The following COL5A1 variants were observed in gnomAD, a reference collection of about 807,000 sequenced individuals.
The protein encoded by COL5A1 is collagen alpha-1(V) chain.
COL5A1 carries 16 observed loss-of-function variants against 263.7 expected under a neutral mutation model. The ratio of observed to expected loss-of-function variants is 0.06; its 90% CI spans 0.04 to 0.09. The LOEUF is 0.09. COL5A1 is among the 10% of genes least tolerant of loss of function. COL5A1 has a pLI of 1.00. For synonymous variants in COL5A1, 1,012 were observed against 1,004.5 expected (o/e 1.01, Z -0.14); for missense variants, 2,036 against 2,540.5 (o/e 0.80, Z 4.27).
At chr9:134,770,997 G>A (rs1049819143) in intron 25 of COL5A1, among the ~76,000 whole-genome samples, 2 of 152,238 alleles carry the variant, frequency 1.3e-5, no homozygotes, top group South Asian at 4.1e-4. Flanking sequence ...AATGGAGGCC[G>A]CCGTGATGCC....
rs4599886 is a variant in COL5A1, at chr9:134,744,788, T to C, written c.1495-5754T>C. ...ATGCTCACTCATACATGCACACACATACACCCACACATGTACACACATTCG... is the reference window on the plus strand; with the variant it reads ...ATGCTCACTCATACATGCACACACACACACCCACACATGTACACACATTCG... On this transcript the variant is annotated intron_variant, in intron 11 of 65. Coordinates refer to ENST00000371817, the MANE Select transcript of COL5A1 (RefSeq NM_000093.5). 8.2e-3 allele frequency among the ~76,000 whole-genome samples: 1,169 copies of C among 142,640 alleles called. 17 individuals are homozygous for C. Among genetic ancestry groups the C allele is most frequent in the African/African-American group, 0.03 (1,126 of 37,916 alleles). 93.6% of individuals were successfully genotyped at this position (142,640 alleles called of 152,430 possible).
chr9:134,773,580 C>A lies in COL5A1; in HGVS notation c.2331+746C>A, dbSNP rs1255464419. The stretch of plus-strand genomic sequence containing the variant: ...ACCTGCTCCAGGGTTCCAGAGGCCC[C>A]AGTTGTCACAGGCTCTGGAATCGGG... On this transcript the variant is annotated intron_variant, in intron 26 of 65. Transcript: ENST00000371817. Among the ~76,000 whole-genome samples the A allele has an allele frequency of 2.0e-5, 3 of 152,232 alleles. No homozygotes were observed. The East Asian group carries it at 5.8e-4, about 29-fold the overall frequency.
At chr9:134,666,114 A>G (rs1832347319) in intron 1 of COL5A1, among the ~76,000 whole-genome samples, 1 of 152,232 alleles carries the variant, frequency 6.6e-6, no homozygotes, top group African/African-American at 2.4e-5. Context: ...AAATAAAAAA[A>G]GGACAAAGAC....
At chr9:134,752,422 G>GGC (rs1554792434) in intron 13 of COL5A1, among the ~76,000 whole-genome samples, 167 bp from the exon 14 acceptor site, 1 of 104,156 alleles carries the variant, frequency 9.6e-6, no homozygotes, top group African/African-American at 3.7e-5. Context: ...TCGAAGTCGG[G>GGC]GGGGGGGGGC....
intron 34 of COL5A1, 120 bp downstream of exon 34, chr9:134,795,435 C>A: frequency 1.2e-6 from 1 of 838,688 alleles, no homozygotes; most frequent in Non-Finnish European, 1.8e-6. Flanking sequence ...AAAGGCAGGA[C>A]ATTTTCTTAG....
intron 59 of COL5A1, 112 bp downstream of exon 59, chr9:134,822,262 G>C: frequency 2.2e-6 from 2 of 910,212 alleles, no homozygotes; most frequent in Non-Finnish European, 3.5e-6. Flanking sequence ...ACGAGAAGCT[G>C]GAATTGGGGC....
At chr9:134,763,837 A>G (rs1463595673) in intron 20 of COL5A1, 100 bp downstream of exon 20, 2 of 1,197,158 alleles carry the variant, frequency 1.7e-6, no homozygotes, top group Non-Finnish European at 1.2e-6. Flanking sequence ...CCAGGAGCTT[A>G]GAAGAGAGAG....
chr9:134,699,951 A>G lies in COL5A1; in HGVS notation c.320A>G (p.Lys107Arg), dbSNP rs1169815073. ...GACTTCTCCATCCTAACAACTGTGAAAGCCAAGAAAGGCAGCCAGGCCTTC... is the reference window on the plus strand; with the variant it reads ...GACTTCTCCATCCTAACAACTGTGAGAGCCAAGAAAGGCAGCCAGGCCTTC... Reference protein sequence around the residue: ...PEDFSILTTVKAKKGSQAFLV... With the variant: ...PEDFSILTTVRAKKGSQAFLV... Residue 107 changes from lysine to arginine, a missense_variant, in exon 3 of 66, where the codon AAA becomes AGA. Transcript: ENST00000371817. The G allele has an allele frequency of 6.2e-7, 1 of 1,613,844 alleles. No homozygotes were observed. Among genetic ancestry groups the G allele is most frequent in the Non-Finnish European group, 8.5e-7 (1 of 1,180,034 alleles).
intron 65 of COL5A1, among the ~76,000 whole-genome samples, chr9:134,840,151 C>T (rs1463464457): frequency 6.6e-6 from 1 of 152,244 alleles, no homozygotes; most frequent in Non-Finnish European, 1.5e-5. Context: ...CAGACGGAGT[C>T]AGCCTCTCTG....
intron 1 of COL5A1, among the ~76,000 whole-genome samples, chr9:134,687,455 CCAT>C (rs1243187602): frequency 3.3e-5 from 5 of 149,646 alleles, no homozygotes; most frequent in Admixed American, 1.3e-4. Context: ...ATCCATCCAT[CCAT>C]CATCCATCCA....
intron 4 of COL5A1, among the ~76,000 whole-genome samples, chr9:134,704,885 G>T (rs55708051): frequency 6.6e-6 from 1 of 151,954 alleles, no homozygotes; most frequent in South Asian, 2.1e-4. Flanking sequence ...AAGTGGAAGA[G>T]AATTTCTATT....
rs1350195415 is a variant in COL5A1, at chr9:134,818,728, G to A, written c.4303G>A (p.Gly1435Arg). 6.2e-7 allele frequency: 1 copy of A among 1,611,560 alleles called. No individual in the cohort carries two copies. The change falls in exon 55 of 66, where the codon GGA (glycine) becomes AGA (arginine). Residue 1435 changes from glycine to arginine, a missense_variant. By Grantham distance (125) the Gly-to-Arg change is moderately radical. This residue lies in a region of COL5A1 where 1,078 missense variants were observed against 1,521.4 expected (regional missense o/e 0.71). Coordinates refer to ENST00000371817, the MANE Select transcript of COL5A1 (RefSeq NM_000093.5). The surrounding 1 kb of genome is among the most constrained non-coding windows in gnomAD (Gnocchi z 6.0). ...IGPQGAPGKP[G>R]PDGLRGIPGP... ...CCCCCAGGGGGCCCCTGGGAAGCCCGGACCGGATGGCCTTCGAGGGATCCC... is the reference window on the plus strand; with the variant it reads ...CCCCCAGGGGGCCCCTGGGAAGCCCAGACCGGATGGCCTTCGAGGGATCCC...
intron 35 of COL5A1, 26 bp from the exon 36 acceptor site, chr9:134,796,822 T>C: frequency 6.2e-7 from 1 of 1,612,816 alleles, no homozygotes; most frequent in Non-Finnish European, 8.5e-7. Context: ...CCTCTTGTCC[T>C]CAAACTGGCC....
chr9:134,697,883 A>G (rs1833537267), intron 2 of COL5A1, among the ~76,000 whole-genome samples: 1 of 152,174 alleles, frequency 6.6e-6, no homozygotes, highest in African/African-American at 2.4e-5. Flanking sequence ...CAGGAGTTCG[A>G]GACCAGCCTG....
chr9:134,817,655 C>G (rs1838810081), intron 53 of COL5A1, 123 bp from the exon 54 acceptor site: 1 of 888,566 alleles, frequency 1.1e-6, no homozygotes, highest in Non-Finnish European at 1.8e-6. Flanking sequence ...AGCACCTGCA[C>G]CCGAGCTCGT....
At chr9:134,659,781 G>A (rs1300075448) in intron 1 of COL5A1, among the ~76,000 whole-genome samples, 1 of 152,156 alleles carries the variant, frequency 6.6e-6, no homozygotes, top group Non-Finnish European at 1.5e-5. Context: ...TACCGTCCTC[G>A]ATGAGATCTG....
chr9:134,818,692 G>A lies in COL5A1; in HGVS notation c.4267G>A (p.Gly1423Ser), dbSNP rs370151534. The A allele has an allele frequency of 5.0e-6, 8 of 1,609,472 alleles. No homozygotes were observed. The highest frequency in any genetic ancestry group is 5.9e-6 in the Non-Finnish European group (7 of 1,178,654). The change falls in exon 55 of 66, where the codon GGC becomes AGC. Residue 1423 changes from glycine to serine, a missense_variant. Around this residue, in one of 3 missense-constraint regions of COL5A1, gnomAD observed 1,078 missense variants for 1,521.4 expected, o/e 0.71. Coordinates refer to ENST00000371817, the MANE Select transcript of COL5A1 (RefSeq NM_000093.5). This position sits in a 1 kb window ranked among gnomAD's most constrained non-coding sequence, Gnocchi z 6.0. ...CTTGGAAGGCCCTCCTGGGAAGACT[G>A]GCCCCATCGGCCCCCAGGGGGCCCC... is the stretch of plus-strand genomic sequence containing the variant. Reference protein sequence around the residue: ...AGLEGPPGKTGPIGPQGAPGK... With the variant: ...AGLEGPPGKTSPIGPQGAPGK...
At position 134,742,453 on chromosome 9, in the gene COL5A1, T is replaced by A. The variant is rs1835338677; in HGVS notation, c.1494+3645T>A. Among the ~76,000 whole-genome samples, 1 of 151,384 alleles carries A rather than the reference T, an allele frequency of 6.6e-6. No homozygotes were observed. Among genetic ancestry groups the A allele is most frequent in the Non-Finnish European group, 1.5e-5 (1 of 67,860 alleles). ...AGAAGGGGCTCGAACCATCATCCCATCCAGTTTCCCTCAGGTGACTGGTGA... is the reference window on the plus strand; with the variant it reads ...AGAAGGGGCTCGAACCATCATCCCAACCAGTTTCCCTCAGGTGACTGGTGA... On this transcript the variant is annotated intron_variant, in intron 11 of 65. Transcript: ENST00000371817. The surrounding 1 kb of genome is among the most constrained non-coding windows in gnomAD (Gnocchi z 4.6).
rs1265739818 is a variant in COL5A1 at position 134,785,058 on chromosome 9, A to T, written c.2554A>T (p.Asn852Tyr). Reference protein sequence around the residue: ...PEGPKGRGGPNGDPGPLGPPG... With the variant: ...PEGPKGRGGPYGDPGPLGPPG... ...AGGCCCAAAGGGTCGCGGAGGTCCC[A>T]ATGGTGACCCCGGTCCTCTGGGACC... is the stretch of plus-strand genomic sequence containing the variant. The change falls in exon 30 of 66, where the codon AAT becomes TAT. Residue 852 changes from asparagine to tyrosine, a missense_variant. Physicochemically the swap from Asn to Tyr is moderately radical, Grantham distance 143 (BLOSUM62 -2). Transcript: ENST00000371817. 6.2e-7 allele frequency: 1 copy of T among 1,613,426 alleles called. No homozygotes were observed. Among genetic ancestry groups the T allele is most frequent in the South Asian group, 1.1e-5 (1 of 91,080 alleles).
Sources: allele counts gnomAD v4.1 joint callset (sites outside exome capture counted in the v4.1 genomes callset), GRCh38; gene constraint gnomAD v4.1.1; regional missense constraint gnomAD v4.1.1; non-coding constraint Gnocchi (gnomAD v3.1); transcripts MANE v1.5; gene names NCBI Gene and HGNC (gene_info 2026-07-23, HGNC 2026-07-21).